Variants in DOCK1 observed in about 807,000 individuals in gnomAD.
The protein encoded by DOCK1 is dedicator of cytokinesis 1.
DOCK1 carries 138 observed loss-of-function variants against 262.7 expected under a neutral mutation model. That is an observed-to-expected ratio of 0.53 (90% CI 0.46 to 0.61). The LOEUF (loss-of-function observed/expected upper bound fraction) is 0.61. Among genes scored for constraint, DOCK1 ranks in the 20% least tolerant of loss-of-function variants. The pLI, the probability that DOCK1 is intolerant of heterozygous loss-of-function variation, is 0.00. For synonymous variants in DOCK1, 866 were observed against 867.4 expected (o/e 1.00, Z 0.03); for missense variants, 1,908 against 2,370.7 (o/e 0.80, Z 4.05).
chr10:127,224,495 G>A (rs1055842649), intron 27 of DOCK1, among the ~76,000 whole-genome samples: 1 of 151,732 alleles, frequency 6.6e-6, no homozygotes, highest in Non-Finnish European at 1.5e-5. Flanking sequence ...CTGGGAGGAG[G>A]TTGCAGTGAG....
intron 1 of DOCK1, among the ~76,000 whole-genome samples, chr10:126,958,833 T>C (rs897724190): frequency 6.6e-6 from 1 of 152,180 alleles, no homozygotes; most frequent in Non-Finnish European, 1.5e-5. Context: ...AGAGTCGAAC[T>C]CTGTGAAATA....
intron 2 of DOCK1, among the ~76,000 whole-genome samples, chr10:126,971,208 G>T (rs1227519655): frequency 6.6e-6 from 1 of 151,498 alleles, no homozygotes; most frequent in African/African-American, 2.4e-5. Flanking sequence ...CCGCCACCAT[G>T]CCTGGCAAAT....
intron 29 of DOCK1, among the ~76,000 whole-genome samples, chr10:127,302,872 T>C (rs751903885): frequency 5.3e-5 from 8 of 151,968 alleles, no homozygotes; most frequent in African/African-American, 9.7e-5. Context: ...GACAGCCCTG[T>C]ATGCAATGAA....
chr10:126,942,734 A>G (rs1192118653), intron 1 of DOCK1, among the ~76,000 whole-genome samples: 1 of 152,164 alleles, frequency 6.6e-6, no homozygotes, highest in African/African-American at 2.4e-5. Flanking sequence ...AAAGATAAGC[A>G]TGATCTGTCC....
At chr10:127,171,502 C>T (rs2054567965) in intron 27 of DOCK1, among the ~76,000 whole-genome samples, 1 of 152,074 alleles carries the variant, frequency 6.6e-6, no homozygotes, top group Non-Finnish European at 1.5e-5. Context: ...CAAGATTTGT[C>T]ACTTGTATTC....
intron 1 of DOCK1, among the ~76,000 whole-genome samples, chr10:126,945,144 G>A (rs1043018688): frequency 5.9e-5 from 9 of 152,158 alleles, no homozygotes; most frequent in African/African-American, 1.9e-4. Flanking sequence ...GCCAGAAAAC[G>A]TTTTTTATCC....
chr10:127,040,832 C>A (rs138334710), intron 19 of DOCK1, among the ~76,000 whole-genome samples: 382 of 152,278 alleles, frequency 2.5e-3, no homozygotes, highest in African/African-American at 7.4e-3. Context: ...TTTTTAGTGT[C>A]TTCATGGAGT....
intron 40 of DOCK1, among the ~76,000 whole-genome samples, chr10:127,406,276 G>C (rs147366885): frequency 5.2e-4 from 79 of 152,304 alleles, no homozygotes; most frequent in African/African-American, 1.9e-3. Context: ...GGGCAGTGCC[G>C]GGTGCGGAGG....
chr10:126,931,525 G>A (rs903486663), intron 1 of DOCK1, among the ~76,000 whole-genome samples: 3 of 152,124 alleles, frequency 2.0e-5, no homozygotes, highest in African/African-American at 7.2e-5. Flanking sequence ...TGTTTTTGCT[G>A]GAAGCCTCTC....
intron 32 of DOCK1, 84 bp downstream of exon 32, chr10:127,354,811 A>T: frequency 6.6e-7 from 1 of 1,522,934 alleles, no homozygotes; most frequent in Non-Finnish European, 9.1e-7. Context: ...CAGTGTTGGG[A>T]TGTCTTAAGA....
intron 28 of DOCK1, among the ~76,000 whole-genome samples, chr10:127,256,570 C>A (rs548184301): frequency 6.6e-6 from 1 of 152,200 alleles, no homozygotes; most frequent in African/African-American, 2.4e-5. Flanking sequence ...GAGCACCTGT[C>A]AAGCTCTGGA....
At chr10:127,436,961 G>T (rs147839358) in intron 48 of DOCK1, among the ~76,000 whole-genome samples, 1 of 151,842 alleles carries the variant, frequency 6.6e-6, no homozygotes, top group African/African-American at 2.4e-5. Flanking sequence ...TAATTTATTT[G>T]TGGGAAATCC....
chr10:127,021,021 T>C lies in DOCK1; in HGVS notation c.1328-2179T>C, dbSNP rs191658741. 1.5e-3 allele frequency among the ~76,000 whole-genome samples: 231 copies of C among 152,298 alleles called. 3 individuals are homozygous for C. Among genetic ancestry groups the C allele is most frequent in the African/African-American group, 5.1e-3 (213 of 41,566 alleles). On this transcript the variant is annotated intron_variant, in intron 13 of 51. Coordinates refer to ENST00000623213, the MANE Select transcript of DOCK1 (RefSeq NM_001290223.2). ...GGGAAGGTAGCAGGAGTCCACTATG[T>C]CTGCTTCTAGTTCCTTCTTCCCCAG...
At chr10:127,238,546 C>G (rs2059153365) in intron 27 of DOCK1, among the ~76,000 whole-genome samples, 1 of 152,154 alleles carries the variant, frequency 6.6e-6, no homozygotes, top group African/African-American at 2.4e-5. Context: ...TACTTTTGCC[C>G]TCAACCCTGC....
At chr10:126,971,227 A>AT (rs2134682821) in intron 2 of DOCK1, among the ~76,000 whole-genome samples, 1 of 150,970 alleles carries the variant, frequency 6.6e-6, no homozygotes, top group South Asian at 2.1e-4. Context: ...ATTTTTTTGT[A>AT]TTTTTAGTAG....
intron 27 of DOCK1, among the ~76,000 whole-genome samples, chr10:127,188,750 C>T (rs1554911220): frequency 1.3e-5 from 2 of 152,202 alleles, no homozygotes; most frequent in South Asian, 2.1e-4. Flanking sequence ...AAAGGTAACA[C>T]TTGTGTATAA....
chr10:127,265,886 C>T (rs1399003206), intron 29 of DOCK1, among the ~76,000 whole-genome samples: 6 of 152,202 alleles, frequency 3.9e-5, no homozygotes, highest in Non-Finnish European at 8.8e-5. Context: ...AAGGATAAGT[C>T]GTGTTGGTGC....
intron 25 of DOCK1, among the ~76,000 whole-genome samples, chr10:127,122,901 C>A (rs1274900729): frequency 6.6e-6 from 1 of 152,146 alleles, no homozygotes; most frequent in East Asian, 1.9e-4. Flanking sequence ...ATGAGACCAG[C>A]ACACTCAATT....
At position 127,364,654 on chromosome 10, in the gene DOCK1, G is replaced by A. The variant is rs146427670; in HGVS notation, c.3432+2442G>A. ...GCTGTGATTACAGGCGTGAGCCACC[G>A]TGCCCAGCCCTAGGCAGTTTTTTAT... On this transcript the variant is annotated intron_variant, in intron 33 of 51. Coordinates refer to ENST00000623213, the MANE Select transcript of DOCK1 (RefSeq NM_001290223.2). 2.9e-3 allele frequency among the ~76,000 whole-genome samples: 449 copies of A among 152,232 alleles called. 1 individual carries two copies. Among genetic ancestry groups the A allele is most frequent in the South Asian group, 0.022 (105 of 4,830 alleles).
Sources: allele counts gnomAD v4.1 joint callset (sites outside exome capture counted in the v4.1 genomes callset), GRCh38; gene constraint gnomAD v4.1.1; transcripts MANE v1.5; gene names NCBI Gene and HGNC (gene_info 2026-07-23, HGNC 2026-07-21).